CHN2: variants seen among roughly 807,000 people sequenced by gnomAD.
The protein encoded by CHN2 is chimerin 2, also known as beta-chimaerin.
Under a neutral mutation model 56.3 loss-of-function variants are expected in CHN2, and 35 were observed. That is an observed-to-expected ratio of 0.62 (90% CI 0.47 to 0.82). CHN2 has a LOEUF of 0.82. Ranked by LOEUF, CHN2 falls within the 40% of genes least tolerant of loss-of-function variation. The pLI, the probability that CHN2 is intolerant of heterozygous loss-of-function variation, is 0.00. For synonymous variants in CHN2, 210 were observed against 212.8 expected (o/e 0.99, Z 0.12); for missense variants, 491 against 580.5 (o/e 0.85, Z 1.58).
At chr7:29,293,126 A>C (rs1179777155) in intron 1 of CHN2, among the ~76,000 whole-genome samples, 1 of 152,104 alleles carries the variant, frequency 6.6e-6, no homozygotes, top group Admixed American at 6.5e-5. Flanking sequence ...TGCAGCTACC[A>C]ATCTCAAGGC....
chr7:29,151,805 A>G (rs1311602504), intron 2 of CHN2, among the ~76,000 whole-genome samples: 3 of 152,174 alleles, frequency 2.0e-5, no homozygotes, highest in Non-Finnish European at 4.4e-5. Flanking sequence ...TGGGAAGAGA[A>G]CACCACCAAT....
At chr7:29,364,282 C>T (rs993782152) in intron 2 of CHN2, among the ~76,000 whole-genome samples, 2 of 152,202 alleles carry the variant, frequency 1.3e-5, no homozygotes, top group African/African-American at 4.8e-5. Context: ...ACTGTGGTAT[C>T]TTGCATATAG....
intron 3 of CHN2, among the ~76,000 whole-genome samples, chr7:29,378,346 G>A (rs1800229139): frequency 6.6e-6 from 1 of 152,152 alleles, no homozygotes; most frequent in South Asian, 2.1e-4. Flanking sequence ...AAATAAAAAG[G>A]CCTTTGAGGC....
intron 3 of CHN2, among the ~76,000 whole-genome samples, chr7:29,384,057 T>C (rs2128061890): frequency 6.6e-6 from 1 of 152,284 alleles, no homozygotes; most frequent in South Asian, 2.1e-4. Context: ...TTATGATTTC[T>C]AGCTTGGGCA....
intron 6 of CHN2, among the ~76,000 whole-genome samples, chr7:29,410,641 T>C (rs1358220948): frequency 6.6e-6 from 1 of 152,182 alleles, no homozygotes. Context: ...TTGACTTTTT[T>C]GATTTGTTTT....
At chr7:29,433,847 A>C (rs934301345) in intron 6 of CHN2, among the ~76,000 whole-genome samples, 2 of 151,440 alleles carry the variant, frequency 1.3e-5, no homozygotes, top group African/African-American at 4.9e-5. Context: ...TAAACAAAAA[A>C]AAAAAGGAAG....
intron 1 of CHN2, among the ~76,000 whole-genome samples, chr7:29,315,533 G>A (rs747405138): frequency 6.6e-6 from 1 of 152,142 alleles, no homozygotes; most frequent in African/African-American, 2.4e-5. Flanking sequence ...AATAAAATAA[G>A]CCTATTACTC....
In CHN2 at chr7:29,323,779, C is replaced by T. The variant is rs888941621; in HGVS notation, c.50-30846C>T. Among the ~76,000 whole-genome samples, 306 of 151,956 alleles carry T rather than the reference C, an allele frequency of 2.0e-3. 3 individuals carry two copies. Among genetic ancestry groups the T allele is most frequent in the African/African-American group, 7.0e-3 (292 of 41,458 alleles). On this transcript the variant is annotated intron_variant, in intron 1 of 12. Transcript: ENST00000222792. ...TTGGGAGGCCGAGGCGGGCGGATCA[C>T]GAGGTCAGGAGATCAAGACCATCCT...
At chr7:29,483,995 T>C (rs1787667876) in intron 7 of CHN2, 1 of 675,430 alleles carries the variant, frequency 1.5e-6, no homozygotes, top group Non-Finnish European at 2.4e-6. Context: ...CATTTGATGT[T>C]AGCATCTATT....
intron 1 of CHN2, among the ~76,000 whole-genome samples, chr7:29,208,309 C>A (rs1255633520): frequency 1.3e-5 from 2 of 152,150 alleles, no homozygotes; most frequent in African/African-American, 4.8e-5. Context: ...CATAGGACAC[C>A]TGAGACAGGC....
chr7:29,184,182 T>C (rs922287701), intron 2 of CHN2, among the ~76,000 whole-genome samples: 1 of 150,932 alleles, frequency 6.6e-6, no homozygotes, highest in African/African-American at 2.4e-5. Flanking sequence ...GATAGATAGA[T>C]AGATAGATAG....
intron 11 of CHN2, among the ~76,000 whole-genome samples, 197 bp from the exon 12 acceptor site, chr7:29,509,104 C>T (rs1427121346): frequency 6.6e-6 from 1 of 152,208 alleles, no homozygotes; most frequent in African/African-American, 2.4e-5. Flanking sequence ...ATTCAATAAG[C>T]ATGTGGTGCT....
chr7:29,179,171 G>A (rs544372516), intron 2 of CHN2, among the ~76,000 whole-genome samples: 3 of 152,300 alleles, frequency 2.0e-5, no homozygotes, highest in Admixed American at 6.5e-5. Context: ...TTGGGCATAA[G>A]GCTTATTTGT....
chr7:29,491,110 CTA>C (rs1788617997), intron 7 of CHN2, among the ~76,000 whole-genome samples: 1 of 152,138 alleles, frequency 6.6e-6, no homozygotes, highest in African/African-American at 2.4e-5. Flanking sequence ...TCTATTATCT[CTA>C]TCACTAATAA....
chr7:29,249,782 A>G (rs1212939254), intron 1 of CHN2, among the ~76,000 whole-genome samples: 1 of 152,260 alleles, frequency 6.6e-6, no homozygotes, highest in African/African-American at 2.4e-5. Context: ...AAAGACAGAT[A>G]TTACATTTAC....
chr7:29,367,906 C>A lies in CHN2; in HGVS notation c.89-26C>A, dbSNP rs549229323. On this transcript the variant is annotated intron_variant, in intron 2 of 12. Coordinates refer to ENST00000222792, the MANE Select transcript of CHN2 (RefSeq NM_004067.4). ...CAGTATTCTAATTCTAATTATTTCT[C>A]TCTCTCTCTCTCTCTTTTTTGGCAG... 2.2e-5 allele frequency: 32 copies of A among 1,474,678 alleles called. No homozygotes were observed. In the East Asian group the frequency reaches 5.1e-4, roughly 24 times the overall value. The allele number at this position is 1,474,678 out of a possible 1,614,324, so 91.3% of individuals were successfully genotyped here.
At chr7:29,149,189 CTT>C (rs60520174) in intron 2 of CHN2, among the ~76,000 whole-genome samples, 36 of 100,340 alleles carry the variant, frequency 3.6e-4, no homozygotes, top group African/African-American at 9.4e-4. Context: ...GTCTGTTTCC[CTT>C]TTTTTTTTTT....
intron 1 of CHN2, among the ~76,000 whole-genome samples, chr7:29,211,493 C>CACAG (rs1000426365): frequency 2.7e-5 from 4 of 148,060 alleles, no homozygotes; most frequent in Non-Finnish European, 4.5e-5. Context: ...CACACACACA[C>CACAG]AGAAACAGAA....
At chr7:29,489,272 G>A (rs549045586) in intron 7 of CHN2, among the ~76,000 whole-genome samples, 8 of 152,208 alleles carry the variant, frequency 5.3e-5, no homozygotes, top group South Asian at 2.1e-4. Flanking sequence ...CAGGCAGACC[G>A]TGCCTAGTGT....
Sources: allele counts gnomAD v4.1 joint callset (sites outside exome capture counted in the v4.1 genomes callset), GRCh38; gene constraint gnomAD v4.1.1; transcripts MANE v1.5; gene names NCBI Gene and HGNC (gene_info 2026-07-23, HGNC 2026-07-21).